GPR139: variants seen among roughly 807,000 people sequenced by gnomAD.
GPR139 encodes the protein G protein-coupled receptor 139, also known as probable G protein-coupled receptor 139.
Under a neutral mutation model 25.8 loss-of-function variants are expected in GPR139, and 12 were observed. The observed-to-expected ratio is 0.47, with a 90% CI of 0.30 to 0.75. GPR139 has a LOEUF of 0.75. Among genes scored for constraint, GPR139 ranks in the 30% least tolerant of loss-of-function variants. GPR139 has a pLI of 0.07. For missense variants in GPR139, 380 were observed against 450.2 expected, an observed-to-expected ratio of 0.84 and a Z score of 1.41; for synonymous variants, 184 against 179.9, an observed-to-expected ratio of 1.02 and a Z score of -0.18.
chr16:20,069,705 A>AT (rs961796813), intron 1 of GPR139, among the ~76,000 whole-genome samples: 4 of 152,062 alleles, frequency 2.6e-5, no homozygotes, highest in Non-Finnish European at 2.9e-5. Flanking sequence ...TTAGAAGGTA[A>AT]TTTTTTTTAA....
intron 1 of GPR139, among the ~76,000 whole-genome samples, chr16:20,043,214 C>T (rs2057342764): frequency 6.6e-6 from 1 of 152,212 alleles, no homozygotes; most frequent in Non-Finnish European, 1.5e-5. Context: ...AACCAATTGA[C>T]CTCCTCTTGA....
chr16:20,044,108 CT>C (rs1422702388), intron 1 of GPR139, among the ~76,000 whole-genome samples: 1 of 152,122 alleles, frequency 6.6e-6, no homozygotes, highest in East Asian at 1.9e-4. Context: ...GGAGCCTGGC[CT>C]GAAGAAACCA....
At chr16:20,035,380 G>A (rs781388694) in intron 1 of GPR139, among the ~76,000 whole-genome samples, 2 of 152,212 alleles carry the variant, frequency 1.3e-5, no homozygotes, top group African/African-American at 2.4e-5. Flanking sequence ...AAAATGGTGA[G>A]TATGTCCTAT....
Position 20,031,595 on chromosome 16 carries a change from A to C in GPR139, c.*140T>G, listed in dbSNP as rs1237400036. The C allele has an allele frequency of 1.5e-6, 1 of 669,548 alleles. No individual in the cohort carries two copies. The highest frequency in any genetic ancestry group is 1.8e-5 in the African/African-American group (1 of 55,710). 41.5% of individuals were successfully genotyped at this position (669,548 alleles called of 1,614,324 possible). A position where few individuals can be genotyped will look rare whatever the true frequency, so the allele number is the denominator to read the frequency against. Reference sequence around the variant, plus strand: ...TCTTCTCTTCCATCTCTTCTCATCTACCAGTCTGAGAATTGCCCAGTCTGC... The same window carrying C: ...TCTTCTCTTCCATCTCTTCTCATCTCCCAGTCTGAGAATTGCCCAGTCTGC... On this transcript the variant is annotated 3_prime_UTR_variant, in exon 2 of 2. Coordinates refer to ENST00000570682, the MANE Select transcript of GPR139 (RefSeq NM_001002911.4).
At position 20,031,370 on chromosome 16, in the gene GPR139, G is replaced by A; in HGVS notation, c.*365C>T. ...GCTATGTGCTACTGGGGCTTGGTAA[G>A]TCCCATAAATGAAGGGTTCCCAGTG... On this transcript the variant is annotated 3_prime_UTR_variant, in exon 2 of 2. Coordinates refer to ENST00000570682, the MANE Select transcript of GPR139 (RefSeq NM_001002911.4). 3.9e-6 allele frequency: 1 copy of A among 254,124 alleles called. No homozygotes were observed. Among genetic ancestry groups the A allele is most frequent in the Non-Finnish European group, 7.6e-6 (1 of 132,340 alleles). The allele number at this position is 254,124 out of a possible 1,614,324, so 15.7% of individuals were successfully genotyped here. A position where few individuals can be genotyped will look rare whatever the true frequency, so the allele number is the denominator to read the frequency against.
At position 20,032,584 on chromosome 16, in the gene GPR139, A is replaced by G. The variant is rs2057294832; in HGVS notation, c.213T>C (p.Ala71=). The change falls in exon 2 of 2, where the codon GCT becomes GCC. Residue 71 remains alanine, a synonymous_variant. Transcript: ENST00000570682. Reference sequence around the variant, plus strand: ...TGAAAAAGAGGACCAAGATGTCGGCAGCAGCGAGTGCCAAGAGATAGTTGT... The same window carrying G: ...TGAAAAAGAGGACCAAGATGTCGGCGGCAGCGAGTGCCAAGAGATAGTTGT... The part of the protein sequence containing the change: ...SSYNYLLALA[A]ADILVLFFIV... 3.7e-6 allele frequency: 6 copies of G among 1,614,178 alleles called. No individual in the cohort carries two copies. Among genetic ancestry groups the G allele is most frequent in the Non-Finnish European group, 5.1e-6 (6 of 1,179,992 alleles).
chr16:20,044,456 A>G (rs1025071644), intron 1 of GPR139, among the ~76,000 whole-genome samples: 2 of 152,186 alleles, frequency 1.3e-5, no homozygotes, highest in Non-Finnish European at 2.9e-5. Flanking sequence ...ATAATAGGCA[A>G]TAATAATGAT....
At chr16:20,042,470 G>A (rs2057339712) in intron 1 of GPR139, among the ~76,000 whole-genome samples, 1 of 152,050 alleles carries the variant, frequency 6.6e-6, no homozygotes. Context: ...TCTACCCTAA[G>A]CCCTCTAGTT....
At chr16:20,066,798 CA>C (rs763579437) in intron 1 of GPR139, among the ~76,000 whole-genome samples, 7 of 152,196 alleles carry the variant, frequency 4.6e-5, no homozygotes, top group Non-Finnish European at 1.0e-4. Context: ...TAGTGCTAAG[CA>C]TTCTTGTAAT....
chr16:20,068,450 A>G (rs2057445037), intron 1 of GPR139, among the ~76,000 whole-genome samples: 1 of 152,160 alleles, frequency 6.6e-6, no homozygotes, highest in African/African-American at 2.4e-5. Context: ...GTTTTTACAT[A>G]CTAACCATGT....
At chr16:20,045,354 C>A (rs1422795481) in intron 1 of GPR139, among the ~76,000 whole-genome samples, 1 of 152,044 alleles carries the variant, frequency 6.6e-6, no homozygotes, top group Non-Finnish European at 1.5e-5. Context: ...CTATTAATAT[C>A]CTTATTTTAA....
At chr16:20,037,125 G>T (rs2057312701) in intron 1 of GPR139, among the ~76,000 whole-genome samples, 1 of 152,136 alleles carries the variant, frequency 6.6e-6, no homozygotes, top group Admixed American at 6.5e-5. Context: ...GTAACTTTTA[G>T]ATTAAAAGCG....
At chr16:20,055,652 GA>G in intron 1 of GPR139, among the ~76,000 whole-genome samples, 1 of 152,334 alleles carries the variant, frequency 6.6e-6, no homozygotes, top group South Asian at 2.1e-4. Context: ...CTATCTCCCA[GA>G]AGTGGGTGTC....
At chr16:20,060,707 G>T (rs570086361) in intron 1 of GPR139, among the ~76,000 whole-genome samples, 1 of 152,050 alleles carries the variant, frequency 6.6e-6, no homozygotes, top group East Asian at 1.9e-4. Flanking sequence ...CTTTTACAAG[G>T]TGCTGGCCTC....
At chr16:20,064,481 G>C (rs370257139) in intron 1 of GPR139, among the ~76,000 whole-genome samples, 1 of 152,162 alleles carries the variant, frequency 6.6e-6, no homozygotes, top group South Asian at 2.1e-4. Flanking sequence ...CTTTCAGTGA[G>C]CTGAAATTGG....
chr16:20,057,392 G>A (rs11642361), intron 1 of GPR139, among the ~76,000 whole-genome samples: 77,243 of 151,952 alleles, frequency 0.51, 20,099 homozygotes, highest in East Asian at 0.69. Context: ...AATGGTAATG[G>A]TGGTGATGAT....
At chr16:20,058,389 G>T (rs2057398925) in intron 1 of GPR139, among the ~76,000 whole-genome samples, 1 of 152,198 alleles carries the variant, frequency 6.6e-6, no homozygotes, top group Middle Eastern at 3.4e-3. Context: ...TTTGAGGAAG[G>T]CGTGAACATA....
chr16:20,061,975 A>C (rs72772765), intron 1 of GPR139, among the ~76,000 whole-genome samples: 1 of 152,184 alleles, frequency 6.6e-6, no homozygotes, highest in Admixed American at 6.5e-5. Context: ...TTTTCCATCA[A>C]GGGCATTGTA....
At chr16:20,035,964 G>C (rs2057308493) in intron 1 of GPR139, among the ~76,000 whole-genome samples, 1 of 152,166 alleles carries the variant, frequency 6.6e-6, no homozygotes. Flanking sequence ...TCTACTTTCT[G>C]TGGTCAAATA....
Sources: allele counts gnomAD v4.1 joint callset (sites outside exome capture counted in the v4.1 genomes callset), GRCh38; gene constraint gnomAD v4.1.1; transcripts MANE v1.5; gene names NCBI Gene and HGNC (gene_info 2026-07-23, HGNC 2026-07-21).